Variants in CPLX2 observed in about 807,000 individuals in gnomAD.
CPLX2 encodes the protein complexin 2.
Under a neutral mutation model 16.3 loss-of-function variants are expected in CPLX2, and 5 were observed. The ratio of observed to expected loss-of-function variants is 0.31; its 90% CI spans 0.16 to 0.64. The LOEUF (loss-of-function observed/expected upper bound fraction) is 0.64, where lower values mean the gene tolerates loss of function less well. Among genes scored for constraint, CPLX2 ranks in the 30% least tolerant of loss-of-function variants. The pLI is 0.79. For missense variants in CPLX2, 144 were observed against 181.4 expected, an observed-to-expected ratio of 0.79 and a Z score of 1.18; for synonymous variants, 89 against 73.2, an observed-to-expected ratio of 1.22 and a Z score of -1.10.
chr5:175,810,550 ACTGGCTG>A (rs1758295512), intron 2 of CPLX2, among the ~76,000 whole-genome samples: 1 of 152,160 alleles, frequency 6.6e-6, no homozygotes. Flanking sequence ...ACCTGCACAC[ACTGGCTG>A]CTCAATACGT....
In CPLX2 at chr5:175,845,467, C is replaced by T. The variant is rs1016015891; in HGVS notation, c.-88-33185C>T. Among the ~76,000 whole-genome samples the T allele has an allele frequency of 5.3e-5, 8 of 152,226 alleles. No homozygotes were observed. The highest frequency in any genetic ancestry group is 1.9e-4 in the African/African-American group (8 of 41,466). ...GGCCCTTTGCACCTGCTTTTGCTCT[C>T]CTTGGCAGATTATCCCATCAGGCAA... On this transcript the variant is annotated intron_variant, in intron 2 of 4. Transcript: ENST00000359546. The surrounding 1 kb of genome is among the most constrained non-coding windows in gnomAD (Gnocchi z 4.0).
intron 2 of CPLX2, among the ~76,000 whole-genome samples, chr5:175,844,340 A>T (rs1163460989): frequency 6.6e-6 from 1 of 152,216 alleles, no homozygotes; most frequent in African/African-American, 2.4e-5. Context: ...AGTGCCTACC[A>T]CACAGAATTG....
intron 1 of CPLX2, among the ~76,000 whole-genome samples, chr5:175,876,449 A>T (rs868177481): frequency 9.9e-5 from 15 of 152,130 alleles, no homozygotes; most frequent in African/African-American, 3.6e-4. Flanking sequence ...AAAGGAAGAG[A>T]AGAAAAGAGG....
upstream of CPLX2, among the ~76,000 whole-genome samples, chr5:175,870,615 T>TAAAAC (rs10577446): frequency 1.3e-5 from 2 of 150,734 alleles, no homozygotes; most frequent in Non-Finnish European, 3.0e-5. Context: ...GTGAGAGTAA[T>TAAAAC]AAAACAAAAC....
At chr5:175,842,028 C>T in intron 2 of CPLX2, among the ~76,000 whole-genome samples, 1 of 152,226 alleles carries the variant, frequency 6.6e-6, no homozygotes, top group East Asian at 1.9e-4. Context: ...CTCCCATAGG[C>T]CCTCCCTTCC....
In CPLX2 at chr5:175,880,052, C is replaced by A. The variant is rs770855795; in HGVS notation, c.*7C>A. 6.2e-7 allele frequency: 1 copy of A among 1,609,478 alleles called. No homozygotes were observed. Among genetic ancestry groups the A allele is most frequent in the Non-Finnish European group, 8.5e-7 (1 of 1,177,868 alleles). On this transcript the variant is annotated 3_prime_UTR_variant, in exon 4 of 4. Coordinates refer to ENST00000393745, the MANE Select transcript of CPLX2 (RefSeq NM_001008220.2). ...GGACATGTTCAAGAAGTAACCAGGC[C>A]TCCTGCCCCAGCCTACTCCACCTGT...
intron 2 of CPLX2, among the ~76,000 whole-genome samples, chr5:175,820,979 G>A (rs553407861): frequency 1.6e-4 from 25 of 152,266 alleles, no homozygotes; most frequent in East Asian, 1.4e-3. Context: ...GGGATGGTGC[G>A]TCCTTCTCTG....
intron 2 of CPLX2, among the ~76,000 whole-genome samples, chr5:175,826,308 G>A (rs1758613788): frequency 6.6e-6 from 1 of 152,160 alleles, no homozygotes; most frequent in Admixed American, 6.5e-5. Context: ...GCATTCTAAG[G>A]AGGAGTCCAG....
chr5:175,849,081 C>G lies in CPLX2; in HGVS notation c.-88-29571C>G, dbSNP rs193137081. ...CAGAGGTGTGTCGTGATCTAACTTACACTTCTCAGGATCCCTCCTCTGCTG... is the reference window on the plus strand; with the variant it reads ...CAGAGGTGTGTCGTGATCTAACTTAGACTTCTCAGGATCCCTCCTCTGCTG... On this transcript the variant is annotated intron_variant, in intron 2 of 4. Transcript: ENST00000359546. The surrounding 1 kb of genome is among the most constrained non-coding windows in gnomAD (Gnocchi z 4.4). Among the ~76,000 whole-genome samples, 15 of 152,334 alleles carry G rather than the reference C, an allele frequency of 9.8e-5. No homozygotes were observed. Among genetic ancestry groups the G allele is most frequent in the Admixed American group, 5.9e-4 (9 of 15,312 alleles).
intron 2 of CPLX2, among the ~76,000 whole-genome samples, chr5:175,838,419 C>G (rs980572537): frequency 7.9e-5 from 12 of 152,220 alleles, no homozygotes; most frequent in African/African-American, 2.6e-4. Context: ...AGGCGCCCAC[C>G]ACCAAGCCCG....
intron 2 of CPLX2, among the ~76,000 whole-genome samples, chr5:175,853,449 C>T (rs1240557623): frequency 6.6e-6 from 1 of 152,090 alleles, no homozygotes. Context: ...TCAGGAGCTC[C>T]AGGCCTCAGT....
chr5:175,798,759 C>G (rs923758173), intron 1 of CPLX2, among the ~76,000 whole-genome samples: 1 of 152,118 alleles, frequency 6.6e-6, no homozygotes, highest in East Asian at 1.9e-4. Context: ...CATTCAGCTT[C>G]AACAGTTGGC....
Position 175,824,900 on chromosome 5 carries a change from CGAG to C in CPLX2, c.-89+15836_-89+15838del, listed in dbSNP as rs1400103275. On this transcript the variant is annotated intron_variant, in intron 2 of 4. Coordinates refer to the CPLX2 transcript ENST00000359546. ...CTCACTGGCCTGGCTGTGATGGAGG[CGAG>C]GAGATCATTCAGACCAGATTGGCAT... Among the ~76,000 whole-genome samples the C allele has an allele frequency of 3.3e-5, 5 of 152,236 alleles. No individual in the cohort carries two copies. The East Asian group carries it at 7.7e-4, about 24-fold the overall frequency.
rs1029236387 is a variant in CPLX2, at chr5:175,872,105, A to C, written c.-89+400A>C. 1.3e-5 allele frequency: 2 copies of C among 152,206 alleles called. No individual in the cohort carries two copies. The highest frequency in any genetic ancestry group is 2.4e-5 in the African/African-American group (1 of 41,432). 9.4% of individuals were successfully genotyped at this position (152,206 alleles called of 1,614,324 possible). On this transcript the variant is annotated intron_variant, in intron 1 of 3. Transcript: ENST00000393745. This position sits in a 1 kb window ranked among gnomAD's most constrained non-coding sequence, Gnocchi z 5.0. The stretch of plus-strand genomic sequence containing the variant: ...CGCGGGAGTGGGGGACGTCGATCTA[A>C]GCTACTTCTGGCTGTGCTTAACCCG...
chr5:175,830,172 G>C lies in CPLX2; in HGVS notation c.-89+21104G>C, dbSNP rs1365808016. 2.0e-5 allele frequency among the ~76,000 whole-genome samples: 3 copies of C among 152,234 alleles called. No homozygotes were observed. Among genetic ancestry groups the C allele is most frequent in the African/African-American group, 7.2e-5 (3 of 41,464 alleles). The stretch of plus-strand genomic sequence containing the variant: ...GGGCACATGAAGGGCAGTGTGGGCA[G>C]AGGGACAGGCAGGGAGGGCACTGCC... On this transcript the variant is annotated intron_variant, in intron 2 of 4. Coordinates refer to the CPLX2 transcript ENST00000359546. The surrounding 1 kb of genome is among the most constrained non-coding windows in gnomAD (Gnocchi z 4.0).
intron 1 of CPLX2, among the ~76,000 whole-genome samples, chr5:175,799,923 A>G (rs1044973312): frequency 6.6e-6 from 1 of 151,892 alleles, no homozygotes; most frequent in Non-Finnish European, 1.5e-5. Flanking sequence ...CTTAGTTCTC[A>G]TGAGCAAAAG....
chr5:175,879,104 C>T, intron 3 of CPLX2, 21 bp downstream of exon 3: 1 of 1,550,250 alleles, frequency 6.5e-7, no homozygotes, highest in Non-Finnish European at 8.7e-7. Context: ...CCCGCCCGCC[C>T]GTCCTGGGGA....
At chr5:175,815,630 A>G (rs1176916446) in intron 2 of CPLX2, among the ~76,000 whole-genome samples, 2 of 150,768 alleles carry the variant, frequency 1.3e-5, no homozygotes, top group African/African-American at 4.8e-5. Flanking sequence ...ACCAAACAAT[A>G]TGTACCACCA....
intron 2 of CPLX2, among the ~76,000 whole-genome samples, chr5:175,850,234 A>T (rs938239652): frequency 2.6e-5 from 4 of 152,184 alleles, no homozygotes; most frequent in African/African-American, 9.7e-5. Context: ...AGCATCAGCC[A>T]GATATGGGGC....
Sources: gnomAD v4.1 joint callset for allele counts (sites outside exome capture counted in the v4.1 genomes callset) on GRCh38, gnomAD v4.1.1 for gene constraint, Gnocchi (gnomAD v3.1) non-coding constraint, MANE v1.5 for transcripts, NCBI Gene and HGNC (gene_info 2026-07-23, HGNC 2026-07-21) for gene names.